KLHL17: variants seen among roughly 807,000 people sequenced by gnomAD.
KLHL17 encodes kelch like family member 17, also known as kelch-like protein 17.
KLHL17 carries 71 observed loss-of-function variants against 64.6 expected under a neutral mutation model. That is an observed-to-expected ratio of 1.10 (90% CI 0.91 to 1.34). KLHL17 has a LOEUF of 1.34. KLHL17 is among the 40% of genes most tolerant of loss of function. The pLI is 0.00. For synonymous variants in KLHL17, 612 were observed against 405.4 expected (o/e 1.51, Z -6.12); for missense variants, 1,140 against 935.0 (o/e 1.22, Z -2.86).
rs1423257356 is a variant in KLHL17, at chr1:965,006, G to A, written c.1744G>A (p.Val582Met). ...LVAMDGWLYA[V>M]GGNDGSSSLN... ...GGCCATGGACGGATGGTTGTACGCC[G>A]TGGGGGGTAACGACGGTAGCTCCAG... The change falls in exon 12 of 12, where the codon GTG becomes ATG. Residue 582 changes from valine (V) to methionine (M), a missense_variant. By Grantham distance (21) the Val-to-Met change is conservative. Coordinates refer to ENST00000338591, the MANE Select transcript of KLHL17 (RefSeq NM_198317.3). 10 of 1,612,276 alleles carry A rather than the reference G, an allele frequency of 6.2e-6. No individual in the cohort carries two copies. Among genetic ancestry groups the A allele is most frequent in the East Asian group, 2.2e-5 (1 of 44,880 alleles).
At position 960,656 on chromosome 1, in the gene KLHL17, C is replaced by G; in HGVS notation, c.-38C>G. The G allele has an allele frequency of 7.5e-7, 1 of 1,335,850 alleles. No homozygotes were observed. The allele number at this position is 1,335,850 out of a possible 1,614,324, so 82.7% of individuals were successfully genotyped here. On this transcript the variant is annotated 5_prime_UTR_variant, in exon 1 of 12. Coordinates refer to ENST00000338591, the MANE Select transcript of KLHL17 (RefSeq NM_198317.3). ...GCAGTCTCCGCGTCCGTTAAGCCCGCGGGTCCTCCGCGAATCGGCGGTGGG... is the reference window on the plus strand; with the variant it reads ...GCAGTCTCCGCGTCCGTTAAGCCCGGGGGTCCTCCGCGAATCGGCGGTGGG...
chr1:961,428 C>T lies in KLHL17; in HGVS notation c.243C>T (p.Ala81=), dbSNP rs1642640973. Residue 81 remains alanine, a synonymous_variant, in exon 2 of 12, where the codon GCC becomes GCT. Transcript: ENST00000338591. ...SKRHYHDAFV[A]MSRMRQRGLL... is the part of the protein sequence containing the mutation. Reference sequence around the variant, plus strand: ...GGCACTACCACGATGCCTTCGTGGCCATGAGCCGCATGCGCCAGCGCGGCC... The same window carrying T: ...GGCACTACCACGATGCCTTCGTGGCTATGAGCCGCATGCGCCAGCGCGGCC... The T allele has an allele frequency of 7.4e-6, 12 of 1,611,874 alleles. No individual in the cohort carries two copies. Among genetic ancestry groups the T allele is most frequent in the East Asian group, 2.2e-5 (1 of 44,872 alleles).
At position 961,769 on chromosome 1, in the gene KLHL17, G is replaced by A. The variant is rs957195495; in HGVS notation, c.489+19G>A. The stretch of plus-strand genomic sequence containing the variant: ...TGTGCAGGTGAGGGCTCCCTCACCC[G>A]GATCCCGGTGTCCCCCGACCCTGTG... On this transcript the variant is annotated intron_variant, in intron 3 of 11. Transcript: ENST00000338591. The A allele has an allele frequency of 1.9e-6, 3 of 1,611,530 alleles. No individual in the cohort carries two copies. Among genetic ancestry groups the A allele is most frequent in the African/African-American group, 1.3e-5 (1 of 74,862 alleles).
chr1:964,983 C>T lies in KLHL17; in HGVS notation c.1721C>T (p.Ala574Val), dbSNP rs780727540. The T allele has an allele frequency of 1.5e-5, 24 of 1,610,128 alleles. 1 individual carries two copies. The South Asian group carries it at 2.0e-4, about 13-fold the overall frequency. The change falls in exon 12 of 12, where the codon GCC (alanine) becomes GTC (valine). Residue 574 changes from alanine to valine, a missense_variant. Coordinates refer to ENST00000338591, the MANE Select transcript of KLHL17 (RefSeq NM_198317.3). Reference sequence around the variant, plus strand: ...CCCAGGAGCACGCATGACCTGGTGGCCATGGACGGATGGTTGTACGCCGTG... The same window carrying T: ...CCCAGGAGCACGCATGACCTGGTGGTCATGGACGGATGGTTGTACGCCGTG... ...NIRRSTHDLV[A>V]MDGWLYAVGG...
rs1272221802 is a variant in KLHL17 at position 961,462 on chromosome 1, G to T, written c.277G>T (p.Asp93Tyr). 6.2e-7 allele frequency: 1 copy of T among 1,612,440 alleles called. No individual in the cohort carries two copies. The highest frequency in any genetic ancestry group is 1.7e-5 in the Admixed American group (1 of 60,000). The change falls in exon 2 of 12, where the codon GAC becomes TAC. Residue 93 changes from aspartate (D) to tyrosine (Y), a missense_variant. Transcript: ENST00000338591. ...SRMRQRGLLC[D>Y]IVLHVAAKEI... ...CATGCGCCAGCGCGGCCTCCTGTGC[G>T]ACATCGTCCTGCACGTGGCTGCCAA...
Position 964,028 on chromosome 1 carries a change from T to TG in KLHL17, c.1444+26dup. 1.2e-6 allele frequency: 2 copies of TG among 1,612,454 alleles called. No homozygotes were observed. The highest frequency in any genetic ancestry group is 8.5e-7 in the Non-Finnish European group (1 of 1,179,752). ...CGCTTGGTGGGTGATGGGGCCTGCCTGGGGGGCATCCCCACCTTCCCCCAC... is the reference window on the plus strand; with the variant it reads ...CGCTTGGTGGGTGATGGGGCCTGCCTGGGGGGGCATCCCCACCTTCCCCCAC... On this transcript the variant is annotated intron_variant, in intron 9 of 11. Coordinates refer to ENST00000338591, the MANE Select transcript of KLHL17 (RefSeq NM_198317.3).
Position 962,396 on chromosome 1 carries a change from A to G in KLHL17, c.753A>G (p.Ser251=). The change falls in exon 5 of 12, where the codon TCA becomes TCG. Residue 251 remains serine, a synonymous_variant. Transcript: ENST00000338591. The stretch of plus-strand genomic sequence containing the variant: ...CTAGCGACAGCCTGAACGTGCCTTC[A>G]GAGGAGGAGGTCTACCGAGCCGTCC... ...LVSSDSLNVP[S]EEEVYRAVLS... is the part of the protein sequence containing the mutation. The G allele has an allele frequency of 6.2e-7, 1 of 1,612,750 alleles. No individual in the cohort carries two copies. Among genetic ancestry groups the G allele is most frequent in the Non-Finnish European group, 8.5e-7 (1 of 1,179,908 alleles).
At chr1:962,949 T>C (rs771492266) in intron 6 of KLHL17, 32 bp downstream of exon 6, 39 of 1,526,286 alleles carry the variant, frequency 2.6e-5, no homozygotes, top group East Asian at 2.3e-5. Flanking sequence ...CCTCTTGCCC[T>C]GTGCCTTCTA....
At chr1:963,570 A>G (rs2100423198) in intron 8 of KLHL17, 66 bp downstream of exon 8, 3 of 1,515,398 alleles carry the variant, frequency 2.0e-6, no homozygotes, top group Non-Finnish European at 8.9e-7. Flanking sequence ...TTGTGTCACC[A>G]TCACAGGGGT....
chr1:965,039 T>A lies in KLHL17; in HGVS notation c.1777T>A (p.Ser593Thr), dbSNP rs751461862. 1.6e-5 allele frequency: 26 copies of A among 1,612,450 alleles called. No homozygotes were observed. Among genetic ancestry groups the A allele is most frequent in the Non-Finnish European group, 2.2e-5 (26 of 1,179,822 alleles). Residue 593 changes from serine to threonine, a missense_variant, in exon 12 of 12, where the codon TCC becomes ACC. By Grantham distance (58) the Ser-to-Thr change is moderately conservative (BLOSUM62 1). Coordinates refer to ENST00000338591, the MANE Select transcript of KLHL17 (RefSeq NM_198317.3). ...TAACGACGGTAGCTCCAGCCTCAAC[T>A]CCATCGAGAAGTACAACCCGAGGAC... Reference protein sequence around the residue: ...GGNDGSSSLNSIEKYNPRTNK... With the variant: ...GGNDGSSSLNTIEKYNPRTNK...
At chr1:963,290 C>T (rs542287402) in intron 7 of KLHL17, 37 bp downstream of exon 7, 18 of 1,599,242 alleles carry the variant, frequency 1.1e-5, no homozygotes, top group South Asian at 2.2e-5. Flanking sequence ...GGGTCTGGCA[C>T]GTGCCCGCCA....
chr1:962,811 C>G lies in KLHL17; in HGVS notation c.936C>G (p.Ile312Met), dbSNP rs138554140. 1 of 1,609,342 alleles carries G rather than the reference C, an allele frequency of 6.2e-7. No individual in the cohort carries two copies. The highest frequency in any genetic ancestry group is 8.5e-7 in the Non-Finnish European group (1 of 1,179,270). Residue 312 changes from isoleucine to methionine, a missense_variant, in exon 6 of 12, where the codon ATC (isoleucine) becomes ATG (methionine). Coordinates refer to ENST00000338591, the MANE Select transcript of KLHL17 (RefSeq NM_198317.3). ...ACCCTGACTGCAAGGACCTCCTCATCGAGGCCCTGAAGTTCCACCTGCTGC... is the reference window on the plus strand; with the variant it reads ...ACCCTGACTGCAAGGACCTCCTCATGGAGGCCCTGAAGTTCCACCTGCTGC... Reference protein sequence around the residue: ...RHHPDCKDLLIEALKFHLLPE... With the variant: ...RHHPDCKDLLMEALKFHLLPE...
Position 965,570 on chromosome 1 carries a change from T to A in KLHL17, c.*379T>A. On this transcript the variant is annotated 3_prime_UTR_variant, in exon 12 of 12. Transcript: ENST00000338591. Reference sequence around the variant, plus strand: ...AGCTCGAATTTTGCACATGGCGGGGTCCCGGGAAGGGTGGGGAGCAGTTGT... The same window carrying A: ...AGCTCGAATTTTGCACATGGCGGGGACCCGGGAAGGGTGGGGAGCAGTTGT... 3.9e-6 allele frequency: 1 copy of A among 259,472 alleles called. No homozygotes were observed. Among genetic ancestry groups the A allele is most frequent in the Non-Finnish European group, 7.3e-6 (1 of 136,162 alleles). The allele number at this position is 259,472 out of a possible 1,614,324, so 16.1% of individuals were successfully genotyped here.
chr1:963,512 G>C lies in KLHL17; in HGVS notation c.1355+8G>C. 1 of 1,601,868 alleles carries C rather than the reference G, an allele frequency of 6.2e-7. No homozygotes were observed. The highest frequency in any genetic ancestry group is 8.5e-7 in the Non-Finnish European group (1 of 1,173,312). The stretch of plus-strand genomic sequence containing the variant: ...GGCCTCCTGCCTGAACAGGTAGTTG[G>C]GGTTGGGGCCCCAGTGGCTTTGTAC... On this transcript the variant is annotated splice_region_variant and intron_variant, in intron 8 of 11. Transcript: ENST00000338591.
chr1:962,658 G>A, intron 5 of KLHL17, 46 bp from the exon 6 acceptor site: 1 of 1,543,696 alleles, frequency 6.5e-7, no homozygotes, highest in African/African-American at 1.4e-5. Context: ...CTGACGCCCA[G>A]TGTGCCCGAG....
At position 960,675 on chromosome 1, in the gene KLHL17, C is replaced by A; in HGVS notation, c.-19C>A. 1.5e-6 allele frequency: 2 copies of A among 1,357,650 alleles called. No homozygotes were observed. Among genetic ancestry groups the A allele is most frequent in the Non-Finnish European group, 1.9e-6 (2 of 1,048,190 alleles). The allele number at this position is 1,357,650 out of a possible 1,614,324, so 84.1% of individuals were successfully genotyped here. A position where few individuals can be genotyped will look rare whatever the true frequency, so the allele number is the denominator to read the frequency against. ...AGCCCGCGGGTCCTCCGCGAATCGG[C>A]GGTGGGTCCGGCAGCCGAATGCAGC... On this transcript the variant is annotated 5_prime_UTR_variant, in exon 1 of 12. Transcript: ENST00000338591.
At chr1:962,998 A>G in intron 6 of KLHL17, 81 bp downstream of exon 6, 1 of 1,522,940 alleles carries the variant, frequency 6.6e-7, no homozygotes, top group South Asian at 1.2e-5. Flanking sequence ...TGTGCCGGTC[A>G]GGTCCTGACC....
In KLHL17 at chr1:964,959, C is replaced by T. The variant is rs776170245; in HGVS notation, c.1701-4C>T. 6 of 1,595,392 alleles carry T rather than the reference C, an allele frequency of 3.8e-6. No individual in the cohort carries two copies. The South Asian group carries it at 4.4e-5, about 12-fold the overall frequency. ...GCCAGGGGCTCACCCCGCCTTCCCC[C>T]CAGGAGCACGCATGACCTGGTGGCC... On this transcript the variant is annotated splice_region_variant and splice_polypyrimidine_tract_variant and intron_variant, in intron 11 of 11. Transcript: ENST00000338591.
intron 6 of KLHL17, 79 bp from the exon 7 acceptor site, chr1:963,030 A>G (rs1569981722): frequency 6.4e-7 from 1 of 1,562,256 alleles, no homozygotes; most frequent in Non-Finnish European, 8.7e-7. Context: ...CCCTCCATTC[A>G]GGGGCCTCTC....
Sources: gnomAD v4.1 joint callset for allele counts on GRCh38, gnomAD v4.1.1 for gene constraint, MANE v1.5 for transcripts, NCBI Gene and HGNC (gene_info 2026-07-23, HGNC 2026-07-21) for gene names.